Variants in YEATS2 observed in about 807,000 individuals in gnomAD.
The protein encoded by YEATS2 is YEATS domain containing 2, also known as YEATS domain-containing protein 2.
A neutral mutation model predicts 163.2 loss-of-function variants in YEATS2; 77 were observed. The observed-to-expected ratio is 0.47, with a 90% CI of 0.39 to 0.57. The LOEUF (loss-of-function observed/expected upper bound fraction) is 0.57, where lower values mean the gene tolerates loss of function less well. Ranked by LOEUF, YEATS2 falls within the 20% of genes least tolerant of loss-of-function variation. The pLI is 0.00. For synonymous variants in YEATS2, 631 were observed against 645.1 expected (o/e 0.98, Z 0.33); for missense variants, 1,549 against 1,729.8 (o/e 0.90, Z 1.85).
intron 8 of YEATS2, among the ~76,000 whole-genome samples, chr3:183,745,327 G>A (rs1273480235): frequency 1.3e-5 from 2 of 152,176 alleles, no homozygotes; most frequent in East Asian, 3.9e-4. Context: ...AAGTGCGAAT[G>A]CCCCCACCTG....
chr3:183,770,204 C>T (rs576643986), intron 15 of YEATS2, among the ~76,000 whole-genome samples: 9 of 151,422 alleles, frequency 5.9e-5, no homozygotes, highest in South Asian at 4.2e-4. Flanking sequence ...CTGGCTAACA[C>T]GGTGAAACCC....
intron 21 of YEATS2, among the ~76,000 whole-genome samples, chr3:183,797,574 A>ATAAT (rs1725278084): frequency 6.6e-6 from 1 of 150,590 alleles, no homozygotes. Flanking sequence ...AAATAAATAA[A>ATAAT]TAGGGACCAG....
At chr3:183,744,282 T>G (rs1019587701) in intron 8 of YEATS2, among the ~76,000 whole-genome samples, 1 of 151,534 alleles carries the variant, frequency 6.6e-6, no homozygotes, top group African/African-American at 2.4e-5. Flanking sequence ...ACGGCTAATT[T>G]TTTTTTGTAT....
intron 27 of YEATS2, chr3:183,806,277 A>C: frequency 4.4e-6 from 2 of 456,044 alleles, no homozygotes; most frequent in Non-Finnish European, 8.8e-6. Context: ...CCAGTCAGTA[A>C]AACAAAAGGC....
chr3:183,724,945 G>T (rs1458306898), intron 6 of YEATS2, among the ~76,000 whole-genome samples: 1 of 150,330 alleles, frequency 6.7e-6, no homozygotes, highest in African/African-American at 2.4e-5. Flanking sequence ...GTTTCTCCAT[G>T]TTGGTCAGGC....
At chr3:183,755,244 A>ATTC (rs1720599961) in intron 11 of YEATS2, among the ~76,000 whole-genome samples, 2 of 152,078 alleles carry the variant, frequency 1.3e-5, no homozygotes, top group African/African-American at 2.4e-5. Context: ...CAGCCTCCCA[A>ATTC]GTAGCTGGGA....
At chr3:183,724,069 A>G (rs1479471941) in intron 5 of YEATS2, among the ~76,000 whole-genome samples, 2 of 152,206 alleles carry the variant, frequency 1.3e-5, no homozygotes, top group Non-Finnish European at 2.9e-5. Flanking sequence ...TAAAAGGTTA[A>G]AAAGAGGGTA....
At chr3:183,750,578 C>T (rs1720058177) in intron 9 of YEATS2, among the ~76,000 whole-genome samples, 1 of 152,148 alleles carries the variant, frequency 6.6e-6, no homozygotes, top group Non-Finnish European at 1.5e-5. Flanking sequence ...CACGTCTTCA[C>T]CAGCATTTGT....
At chr3:183,705,872 T>G (rs1714565163) in intron 1 of YEATS2, among the ~76,000 whole-genome samples, 1 of 151,936 alleles carries the variant, frequency 6.6e-6, no homozygotes, top group African/African-American at 2.4e-5. Flanking sequence ...ACTCCATCTT[T>G]AGTAAAAATG....
intron 21 of YEATS2, chr3:183,793,490 A>ACCCT (rs776518472): frequency 2.9e-4 from 162 of 555,226 alleles, no homozygotes; most frequent in East Asian, 5.4e-4. Flanking sequence ...ATAATAATGA[A>ACCCT]TACCTTGTCT....
chr3:183,775,783 A>G, intron 17 of YEATS2, 132 bp from the exon 18 acceptor site: 3 of 1,389,984 alleles, frequency 2.2e-6, no homozygotes, highest in Non-Finnish European at 3.0e-6. Flanking sequence ...GATTACAGAA[A>G]AGACGGAGGA....
At chr3:183,741,792 AAAG>A (rs938228889) in intron 8 of YEATS2, among the ~76,000 whole-genome samples, 6 of 152,098 alleles carry the variant, frequency 3.9e-5, no homozygotes, top group Non-Finnish European at 1.5e-5. Flanking sequence ...AAAAGAAAAA[AAAG>A]AGCTTTGATG....
At chr3:183,758,769 T>C in intron 12 of YEATS2, 93 bp from the exon 13 acceptor site, 1 of 892,020 alleles carries the variant, frequency 1.1e-6, no homozygotes, top group Non-Finnish European at 1.8e-6. Context: ...GAAAAATAAA[T>C]AGTGCGAAAG....
chr3:183,771,230 A>G (rs186809704), intron 15 of YEATS2, among the ~76,000 whole-genome samples: 1 of 152,194 alleles, frequency 6.6e-6, no homozygotes, highest in African/African-American at 2.4e-5. Context: ...GGTGAACAGC[A>G]CTTCCTATTT....
At chr3:183,781,038 A>G (rs1392220392) in intron 19 of YEATS2, among the ~76,000 whole-genome samples, 2 of 152,200 alleles carry the variant, frequency 1.3e-5, no homozygotes, top group East Asian at 1.9e-4. Context: ...AAATCCAAAT[A>G]AATTACGGAT....
chr3:183,786,260 T>G lies in YEATS2; in HGVS notation c.2872T>G (p.Ser958Ala). The G allele has an allele frequency of 6.2e-7, 1 of 1,613,846 alleles. No homozygotes were observed. The highest frequency in any genetic ancestry group is 8.5e-7 in the Non-Finnish European group (1 of 1,179,900). Residue 958 changes from serine to alanine, a missense_variant, in exon 20 of 31, where the codon TCC (serine) becomes GCC (alanine). By Grantham distance (99) the Ser-to-Ala change is moderately conservative (BLOSUM62 1). Transcript: ENST00000305135. Reference sequence around the variant, plus strand: ...AGGAGGGGTTATCACAACTGCCACTTCCCCTGCCGTGGCCCTCTCAGCAAA... The same window carrying G: ...AGGAGGGGTTATCACAACTGCCACTGCCCCTGCCGTGGCCCTCTCAGCAAA... The part of the protein sequence containing the change: ...VAGGVITTAT[S>A]PAVALSANGP...
intron 7 of YEATS2, among the ~76,000 whole-genome samples, chr3:183,734,641 A>G (rs1254081336): frequency 6.6e-6 from 1 of 152,236 alleles, no homozygotes; most frequent in African/African-American, 2.4e-5. Flanking sequence ...TAGAATTAAC[A>G]TGCAGGAGGT....
chr3:183,706,199 C>G (rs992000349), intron 1 of YEATS2, among the ~76,000 whole-genome samples: 1 of 151,840 alleles, frequency 6.6e-6, no homozygotes, highest in South Asian at 2.1e-4. Flanking sequence ...TTAAGCTAAC[C>G]TAAGAAAAGA....
intron 1 of YEATS2, among the ~76,000 whole-genome samples, chr3:183,711,237 A>G (rs1350559871): frequency 4.6e-5 from 7 of 152,010 alleles, no homozygotes; most frequent in Non-Finnish European, 4.4e-5. Flanking sequence ...TTGGGAGGCC[A>G]AGGCGGGCGG....
Sources: allele counts gnomAD v4.1 joint callset (sites outside exome capture counted in the v4.1 genomes callset), GRCh38; gene constraint gnomAD v4.1.1; transcripts MANE v1.5; gene names NCBI Gene and HGNC (gene_info 2026-07-23, HGNC 2026-07-21).